The following GABRB3 variants were observed in gnomAD, a reference collection of about 807,000 sequenced individuals.
GABRB3 encodes gamma-aminobutyric acid type A receptor subunit beta3.
A neutral mutation model predicts 52.1 loss-of-function variants in GABRB3; 14 were observed. The ratio of observed to expected loss-of-function variants is 0.27; its 90% CI spans 0.18 to 0.42. The LOEUF (loss-of-function observed/expected upper bound fraction) is 0.42, where lower values mean the gene tolerates loss of function less well. Ranked by LOEUF, GABRB3 falls within the 10% of genes least tolerant of loss-of-function variation. The pLI is 1.00. For missense variants in GABRB3, 307 were observed against 609.1 expected (o/e 0.50, Z 5.22); for synonymous variants, 260 against 232.3 (o/e 1.12, Z -1.08).
At chr15:26,713,985 G>A (rs1889387733) in intron 3 of GABRB3, among the ~76,000 whole-genome samples, 1 of 152,196 alleles carries the variant, frequency 6.6e-6, no homozygotes, top group African/African-American at 2.4e-5. Context: ...TGGCGGGGCT[G>A]AGGTGACCAC....
chr15:26,773,651 G>C, upstream of GABRB3: 1 of 1,564,926 alleles, frequency 6.4e-7, no homozygotes, highest in South Asian at 1.2e-5. Context: ...TCACCTGCGG[G>C]GCTCAGAGCC....
chr15:26,624,028 C>T (rs1435148770), intron 3 of GABRB3, among the ~76,000 whole-genome samples: 3 of 152,108 alleles, frequency 2.0e-5, no homozygotes, highest in Admixed American at 1.3e-4. Context: ...GGAAAACTAG[C>T]GTAGCAATGG....
At chr15:26,576,510 T>C (rs982180596) in intron 6 of GABRB3, among the ~76,000 whole-genome samples, 1 of 152,148 alleles carries the variant, frequency 6.6e-6, no homozygotes, top group African/African-American at 2.4e-5. Flanking sequence ...TTGGGTATTA[T>C]AGAATCTACT....
chr15:26,707,786 A>G (rs1345838197), intron 3 of GABRB3, among the ~76,000 whole-genome samples: 1 of 152,206 alleles, frequency 6.6e-6, no homozygotes, highest in African/African-American at 2.4e-5. Context: ...GAGGTGTTTC[A>G]GCATAATGAT....
chr15:26,764,813 A>G (rs1595357943), intron 3 of GABRB3, among the ~76,000 whole-genome samples: 1 of 152,178 alleles, frequency 6.6e-6, no homozygotes, highest in Non-Finnish European at 1.5e-5. Flanking sequence ...AAGGGAAGAC[A>G]TAGCCCAAAG....
In GABRB3 at chr15:26,547,269, G is replaced by A. The variant is rs867145413; in HGVS notation, c.*524C>T. 8.4e-6 allele frequency: 3 copies of A among 355,702 alleles called. No individual in the cohort carries two copies. The highest frequency in any genetic ancestry group is 1.5e-5 in the Non-Finnish European group (3 of 199,564). 22.0% of individuals were successfully genotyped at this position (355,702 alleles called of 1,614,324 possible). On this transcript the variant is annotated 3_prime_UTR_variant, in exon 9 of 9. Coordinates refer to ENST00000311550, the MANE Select transcript of GABRB3 (RefSeq NM_000814.6). ...GAAGCCTTTGCTTACTAAACTGAAC[G>A]AGAGGATATGAAGTAAGTGACTCAT... is the stretch of plus-strand genomic sequence containing the variant.
chr15:26,588,169 C>T (rs1223786070), intron 4 of GABRB3, among the ~76,000 whole-genome samples: 2 of 151,978 alleles, frequency 1.3e-5, no homozygotes, highest in African/African-American at 4.8e-5. Flanking sequence ...TTTGAGAATG[C>T]TGAAAGTAGA....
At chr15:26,554,609 G>A (rs567647491) in intron 8 of GABRB3, among the ~76,000 whole-genome samples, 2 of 152,248 alleles carry the variant, frequency 1.3e-5, no homozygotes, top group South Asian at 2.1e-4. Flanking sequence ...CCTCTCCAGT[G>A]TGACCAAATC....
At chr15:26,641,313 G>T (rs965043442) in intron 3 of GABRB3, among the ~76,000 whole-genome samples, 1 of 152,238 alleles carries the variant, frequency 6.6e-6, no homozygotes, top group African/African-American at 2.4e-5. Context: ...CAGAGCTGGA[G>T]CCACATTGGG....
Position 26,644,813 on chromosome 15 carries a change from G to A in GABRB3, c.241-23279C>T, listed in dbSNP as rs556035633. 3.9e-5 allele frequency among the ~76,000 whole-genome samples: 6 copies of A among 152,350 alleles called. No homozygotes were observed. In the East Asian group the frequency reaches 9.6e-4, roughly 24 times the overall value. On this transcript the variant is annotated intron_variant, in intron 3 of 8. Coordinates refer to ENST00000311550, the MANE Select transcript of GABRB3 (RefSeq NM_000814.6). ...TCCATAGCCTGAGGAGCAGAAGCAA[G>A]TCCAAGGTGGGTCCACATGAGAACA...
intron 4 of GABRB3, among the ~76,000 whole-genome samples, chr15:26,584,477 A>T (rs1401494923): frequency 6.6e-6 from 1 of 152,282 alleles, no homozygotes; most frequent in African/African-American, 2.4e-5. Flanking sequence ...GCTATTACAG[A>T]AATTGTTTTA....
intron 6 of GABRB3, among the ~76,000 whole-genome samples, chr15:26,573,956 T>C (rs1890503417): frequency 6.6e-6 from 1 of 152,136 alleles, no homozygotes; most frequent in African/African-American, 2.4e-5. Flanking sequence ...GAGTCTGAGA[T>C]GAGAGGATCT....
At position 26,733,355 on chromosome 15, in the gene GABRB3, C is replaced by A. The variant is rs570502194; in HGVS notation, c.240+39047G>T. Among the ~76,000 whole-genome samples, 16 of 152,122 alleles carry A rather than the reference C, an allele frequency of 1.1e-4. No individual in the cohort carries two copies. In the South Asian group the frequency reaches 3.3e-3, roughly 32 times the overall value. The stretch of plus-strand genomic sequence containing the variant: ...CAACACACAAAAATTACCTGTATTT[C>A]TATATTGTAACAATGAGCAACCTGA... On this transcript the variant is annotated intron_variant, in intron 3 of 8. Coordinates refer to ENST00000311550, the MANE Select transcript of GABRB3 (RefSeq NM_000814.6).
At chr15:26,746,930 T>A (rs4243765) in intron 3 of GABRB3, among the ~76,000 whole-genome samples, 67,109 of 152,010 alleles carry the variant, frequency 0.44, 17,111 homozygotes, top group South Asian at 0.63. Context: ...GAACTTGCAG[T>A]GAGCAGAGAT....
At chr15:26,592,235 G>A (rs1891234569) in intron 4 of GABRB3, among the ~76,000 whole-genome samples, 1 of 152,140 alleles carries the variant, frequency 6.6e-6, no homozygotes, top group Non-Finnish European at 1.5e-5. Context: ...CCCTAATTAA[G>A]TGACAATTAG....
At chr15:26,722,245 G>A (rs1398452023) in intron 3 of GABRB3, among the ~76,000 whole-genome samples, 1 of 152,146 alleles carries the variant, frequency 6.6e-6, no homozygotes, top group African/African-American at 2.4e-5. Context: ...GTTGTAAGAT[G>A]GTTTCGGGAA....
intron 3 of GABRB3, among the ~76,000 whole-genome samples, chr15:26,635,009 T>G (rs1299252612): frequency 1.1e-3 from 13 of 11,732 alleles, no homozygotes; most frequent in African/African-American, 2.5e-3. Flanking sequence ...TATATATATA[T>G]AATATATATA....
chr15:26,722,632 C>G (rs1233712636), intron 3 of GABRB3, among the ~76,000 whole-genome samples: 1 of 152,216 alleles, frequency 6.6e-6, no homozygotes, highest in Non-Finnish European at 1.5e-5. Context: ...CCCTAAGTAT[C>G]TTCTTGGCAA....
intron 8 of GABRB3, chr15:26,557,690 C>T (rs1228689357): frequency 6.6e-6 from 1 of 152,052 alleles, no homozygotes; most frequent in East Asian, 1.9e-4. Flanking sequence ...GACTTCAAAC[C>T]TTAAGTACCG....
Sources: allele counts gnomAD v4.1 joint callset (sites outside exome capture counted in the v4.1 genomes callset), GRCh38; gene constraint gnomAD v4.1.1; transcripts MANE v1.5; gene names NCBI Gene and HGNC (gene_info 2026-07-23, HGNC 2026-07-21).